Variants in PCSK9 observed in about 807,000 individuals in gnomAD.
PCSK9 encodes convertase subtilisin/kexin type 9 preproprotein.
PCSK9 carries 57 observed loss-of-function variants against 62.1 expected under a neutral mutation model. The ratio of observed to expected loss-of-function variants is 0.92; its 90% CI spans 0.74 to 1.14. The LOEUF (loss-of-function observed/expected upper bound fraction) is 1.14. Among genes scored for constraint, PCSK9 ranks in the 50% most tolerant of loss-of-function variants. The probability of loss-of-function intolerance (pLI) is 0.00; values close to 1 mark genes in which losing one functional copy is unlikely to be tolerated. For synonymous variants in PCSK9, 387 were observed against 409.4 expected (o/e 0.95, Z 0.66); for missense variants, 870 against 959.8 (o/e 0.91, Z 1.24).
Position 55,058,113 on chromosome 1 carries a change from GC to G in PCSK9, c.1260del (p.Asp422MetfsTer15), listed in dbSNP as rs1311197628. On this transcript the variant is annotated frameshift_variant, in exon 8 of 12. Transcript: ENST00000302118. LOFTEE classifies it high-confidence loss of function. The part of the protein sequence containing the change: ...ELRQRLIHFS[A>X]KDVINEAWFP... ...GAGGCAGAGACTGATCCACTTCTCT[GC>G]CAAAGATGTCATCAATGAGGCCTGG... 31 of 1,613,576 alleles carry G rather than the reference GC, an allele frequency of 1.9e-5. No individual in the cohort carries two copies. Among genetic ancestry groups the G allele is most frequent in the Non-Finnish European group, 2.6e-5 (31 of 1,180,034 alleles).
At position 55,046,544 on chromosome 1, in the gene PCSK9, G is replaced by A. The variant is rs769000401; in HGVS notation, c.421G>A (p.Asp141Asn). The change falls in exon 3 of 12, where the codon GAC becomes AAC. Residue 141 changes from aspartate (D) to asparagine (N), a missense_variant. By Grantham distance (23) the Asp-to-Asn change is conservative (BLOSUM62 1). Coordinates refer to ENST00000302118, the MANE Select transcript of PCSK9 (RefSeq NM_174936.4). ...LELALKLPHV[D>N]YIEEDSSVFA... is the part of the protein sequence containing the mutation. Reference sequence around the variant, plus strand: ...GCAGGCCTTGAAGTTGCCCCATGTCGACTACATCGAGGAGGACTCCTCTGT... The same window carrying A: ...GCAGGCCTTGAAGTTGCCCCATGTCAACTACATCGAGGAGGACTCCTCTGT... The A allele has an allele frequency of 5.0e-6, 8 of 1,613,982 alleles. No individual in the cohort carries two copies. The highest frequency in any genetic ancestry group is 1.3e-5 in the African/African-American group (1 of 74,906).
intron 7 of PCSK9, 114 bp downstream of exon 7, chr1:55,057,628 G>A (rs1000801740): frequency 2.3e-6 from 3 of 1,304,372 alleles, no homozygotes; most frequent in East Asian, 5.0e-5. Flanking sequence ...CAGAGATGAA[G>A]TAGGCCTGAT....
At chr1:55,062,448 G>T (rs1427225209) in intron 11 of PCSK9, among the ~76,000 whole-genome samples, 1 of 152,226 alleles carries the variant, frequency 6.6e-6, no homozygotes, top group Non-Finnish European at 1.5e-5. Context: ...AGGCCCAAGA[G>T]ACATGCTGTT....
rs1644592818 is a variant in PCSK9, at chr1:55,040,762, G to C, written c.207+718G>C. 6.6e-6 allele frequency among the ~76,000 whole-genome samples: 1 copy of C among 152,232 alleles called. No individual in the cohort carries two copies. The highest frequency in any genetic ancestry group is 1.5e-5 in the Non-Finnish European group (1 of 68,042). ...CCCTTGGTGCTCTGGAGCCGGAGGT[G>C]GTGCGCCTGGTACTGGGACCCCGGA... On this transcript the variant is annotated intron_variant, in intron 1 of 11. Coordinates refer to ENST00000302118, the MANE Select transcript of PCSK9 (RefSeq NM_174936.4). This position sits in a 1 kb window ranked among gnomAD's most constrained non-coding sequence, Gnocchi z 4.1.
intron 10 of PCSK9, among the ~76,000 whole-genome samples, chr1:55,060,156 G>A (rs1338229033): frequency 1.2e-4 from 19 of 152,232 alleles, no homozygotes; most frequent in Non-Finnish European, 2.5e-4. Context: ...TCTAGCTATC[G>A]TTACTATTGT....
At position 55,059,622 on chromosome 1, in the gene PCSK9, G is replaced by A. The variant is rs769522231; in HGVS notation, c.1640G>A (p.Gly547Glu). 7 of 1,551,930 alleles carry A rather than the reference G, an allele frequency of 4.5e-6. No individual in the cohort carries two copies. In the Admixed American group the frequency reaches 1.4e-4, roughly 30 times the overall value. Reference protein sequence around the residue: ...HTAPPAEASMGTRVHCHQQGH... With the variant: ...HTAPPAEASMETRVHCHQQGH... ...GCTCCACCAGCTGAGGCCAGCATGG[G>A]GACCCGTGTCCACTGCCACCAACAG... The change falls in exon 10 of 12, where the codon GGG becomes GAG. Residue 547 changes from glycine to glutamate, a missense_variant. By Grantham distance (98) the Gly-to-Glu change is moderately conservative. Transcript: ENST00000302118.
At position 55,056,021 on chromosome 1, in the gene PCSK9, G is replaced by A. The variant is rs1475928545; in HGVS notation, c.828G>A (p.Leu276=). The A allele has an allele frequency of 6.2e-7, 1 of 1,610,050 alleles. No homozygotes were observed. The highest frequency in any genetic ancestry group is 8.5e-7 in the Non-Finnish European group (1 of 1,177,644). Reference sequence around the variant, plus strand: ...TGGAGTTTATTCGGAAAAGCCAGCTGGTCCAGCCTGTGGGGCCACTGGTGG... The same window carrying A: ...TGGAGTTTATTCGGAAAAGCCAGCTAGTCCAGCCTGTGGGGCCACTGGTGG... ...IGLEFIRKSQ[L]VQPVGPLVVL... is the part of the protein sequence containing the mutation. The change falls in exon 6 of 12, where the codon CTG becomes CTA. Residue 276 remains leucine, a synonymous_variant. Transcript: ENST00000302118.
In PCSK9 at chr1:55,063,688, A is replaced by T; in HGVS notation, c.*104A>T. The stretch of plus-strand genomic sequence containing the variant: ...TCTCAGCCCTCCATGGCCTGGCACG[A>T]GGGGATGGGGATGCTTCCGCCTTTC... On this transcript the variant is annotated 3_prime_UTR_variant, in exon 12 of 12. Transcript: ENST00000302118. The T allele has an allele frequency of 7.5e-7, 1 of 1,328,000 alleles. No individual in the cohort carries two copies. The highest frequency in any genetic ancestry group is 2.5e-5 in the East Asian group (1 of 39,618). The allele number at this position is 1,328,000 out of a possible 1,614,324, so 82.3% of individuals were successfully genotyped here.
At chr1:55,045,165 G>C (rs1036062793) in intron 2 of PCSK9, among the ~76,000 whole-genome samples, 76 of 152,232 alleles carry the variant, frequency 5.0e-4, no homozygotes, top group Admixed American at 3.5e-3. Flanking sequence ...TATAGCACCA[G>C]ATGACAGGCA....
At chr1:55,049,966 T>C (rs1381618153) in intron 3 of PCSK9, among the ~76,000 whole-genome samples, 1 of 145,836 alleles carries the variant, frequency 6.9e-6, no homozygotes, top group Non-Finnish European at 1.5e-5. Flanking sequence ...CTGGGCTAAC[T>C]CAGCTGCAGC....
Position 55,063,798 on chromosome 1 carries a change from T to G in PCSK9, c.*214T>G. Reference sequence around the variant, plus strand: ...TGGGTGCCTCCTCCCCAGGTGGAGGTGCCAGGAAGCTCCCTCCCTCACTGT... The same window carrying G: ...TGGGTGCCTCCTCCCCAGGTGGAGGGGCCAGGAAGCTCCCTCCCTCACTGT... On this transcript the variant is annotated 3_prime_UTR_variant, in exon 12 of 12. Coordinates refer to ENST00000302118, the MANE Select transcript of PCSK9 (RefSeq NM_174936.4). The G allele has an allele frequency of 1.6e-6, 1 of 610,192 alleles. No individual in the cohort carries two copies. Among genetic ancestry groups the G allele is most frequent in the Non-Finnish European group, 2.9e-6 (1 of 349,768 alleles). 37.8% of individuals were successfully genotyped at this position (610,192 alleles called of 1,614,324 possible).
chr1:55,061,123 A>G (rs1354840217), intron 10 of PCSK9, among the ~76,000 whole-genome samples: 1 of 152,088 alleles, frequency 6.6e-6, no homozygotes, highest in African/African-American at 2.4e-5. Flanking sequence ...GGGTGGAAAG[A>G]TGGTGTTTTC....
In PCSK9 at chr1:55,052,724, T is replaced by C; in HGVS notation, c.732T>C (p.Gly244=). The part of the protein sequence containing the change: ...VSGRDAGVAK[G]ASMRSLRVLN... ...GCCGGGATGCCGGCGTGGCCAAGGGTGCCAGCATGCGCAGCCTGCGCGTGC... is the reference window on the plus strand; with the variant it reads ...GCCGGGATGCCGGCGTGGCCAAGGGCGCCAGCATGCGCAGCCTGCGCGTGC... Residue 244 remains glycine, a synonymous_variant, in exon 5 of 12, where the codon GGT becomes GGC. Transcript: ENST00000302118. 6.2e-7 allele frequency: 1 copy of C among 1,612,962 alleles called. No homozygotes were observed. The highest frequency in any genetic ancestry group is 2.2e-5 in the East Asian group (1 of 44,858).
At chr1:55,041,446 G>C (rs1644597562) in intron 1 of PCSK9, among the ~76,000 whole-genome samples, 1 of 152,176 alleles carries the variant, frequency 6.6e-6, no homozygotes. Context: ...CAAAACAACT[G>C]TTCTGGAAAT....
At chr1:55,051,908 C>T (rs888799905) in intron 3 of PCSK9, 9 of 331,764 alleles carry the variant, frequency 2.7e-5, no homozygotes, top group Admixed American at 8.5e-5. Context: ...CTTGCAGACT[C>T]GGTGAGCTGT....
chr1:55,053,843 G>A (rs982745854), intron 5 of PCSK9, among the ~76,000 whole-genome samples: 1 of 152,196 alleles, frequency 6.6e-6, no homozygotes, highest in African/African-American at 2.4e-5. Flanking sequence ...GTGTGGAGGG[G>A]AGGCTGTTCT....
chr1:55,054,124 C>T (rs550577460), intron 5 of PCSK9, among the ~76,000 whole-genome samples: 1 of 152,336 alleles, frequency 6.6e-6, no homozygotes, highest in East Asian at 1.9e-4. Context: ...TGGCTCATGC[C>T]TGTAATCCCA....
rs1433897967 is a variant in PCSK9, at chr1:55,063,504, A to G, written c.1999A>G (p.Thr667Ala). 1 of 1,613,836 alleles carries G rather than the reference A, an allele frequency of 6.2e-7. No individual in the cohort carries two copies. The highest frequency in any genetic ancestry group is 8.5e-7 in the Non-Finnish European group (1 of 1,179,900). Reference sequence around the variant, plus strand: ...CCGGGACGTCAGCACTACAGGCAGCACCAGCGAAGGGGCCGTGACAGCCGT... The same window carrying G: ...CCGGGACGTCAGCACTACAGGCAGCGCCAGCGAAGGGGCCGTGACAGCCGT... Reference protein sequence around the residue: ...RSRDVSTTGSTSEGAVTAVAI... With the variant: ...RSRDVSTTGSASEGAVTAVAI... Residue 667 changes from threonine (T) to alanine (A), a missense_variant, in exon 12 of 12, where the codon ACC (threonine) becomes GCC (alanine). Thr to Ala is a moderately conservative substitution (Grantham distance 58, BLOSUM62 0). Coordinates refer to ENST00000302118, the MANE Select transcript of PCSK9 (RefSeq NM_174936.4).
chr1:55,058,375 G>A lies in PCSK9; in HGVS notation c.1355-124G>A, dbSNP rs1358267096. On this transcript the variant is annotated intron_variant, in intron 8 of 11. Coordinates refer to ENST00000302118, the MANE Select transcript of PCSK9 (RefSeq NM_174936.4). ...AAGGGCTGTGCAATATTTTCATAAC[G>A]TGTTTTTATAGAGACAGTTGAGTAT... 7 of 1,541,148 alleles carry A rather than the reference G, an allele frequency of 4.5e-6. No individual in the cohort carries two copies. The East Asian group carries it at 6.8e-5, about 15-fold the overall frequency.
Sources: allele counts gnomAD v4.1 joint callset (sites outside exome capture counted in the v4.1 genomes callset), GRCh38; gene constraint gnomAD v4.1.1; non-coding constraint Gnocchi (gnomAD v3.1); transcripts MANE v1.5; gene names NCBI Gene and HGNC (gene_info 2026-07-23, HGNC 2026-07-21).